The following WNT4 variants were observed in gnomAD, a reference collection of about 807,000 sequenced individuals.
WNT4 encodes Wnt family member 4, also known as protein Wnt-4.
WNT4 carries 16 observed loss-of-function variants against 34.5 expected under a neutral mutation model. The observed-to-expected ratio is 0.46, with a 90% confidence interval of 0.31 to 0.70. The LOEUF (loss-of-function observed/expected upper bound fraction) is 0.70. WNT4 is among the 30% of genes least tolerant of loss of function. WNT4 has a pLI of 0.04. For synonymous variants in WNT4, 200 were observed against 211.9 expected (o/e 0.94, Z 0.49); for missense variants, 379 against 495.9 (o/e 0.76, Z 2.24).
chr1:22,120,358 C>T lies in WNT4; in HGVS notation c.748G>A (p.Gly250Ser). 2 of 1,614,220 alleles carry T rather than the reference C, an allele frequency of 1.2e-6. No individual in the cohort carries two copies. The highest frequency in any genetic ancestry group is 1.7e-6 in the Non-Finnish European group (2 of 1,180,048). ...GATEVEPRRV[G>S]SSRALVPRNA... ...CGTGGCACCAGTGCCCTGGAGGAGC[C>T]CACGCGGCGTGGCTCCACCTCAGTG... The change falls in exon 5 of 5, where the codon GGC becomes AGC. Residue 250 changes from glycine to serine, a missense_variant. Gly to Ser is a moderately conservative substitution (Grantham distance 56, BLOSUM62 0). Around this residue, in one of 2 missense-constraint regions of WNT4, gnomAD observed 313 missense variants for 445.8 expected, o/e 0.70. Coordinates refer to ENST00000290167, the MANE Select transcript of WNT4 (RefSeq NM_030761.5).
rs1025771933 is a variant in WNT4, at chr1:22,142,340, C to G, written c.77+506G>C. On this transcript the variant is annotated intron_variant, in intron 1 of 4. Transcript: ENST00000290167. This position sits in a 1 kb window ranked among gnomAD's most constrained non-coding sequence, Gnocchi z 6.0. ...TCCTTCTGTCTCCGGCTCCCGCCCC[C>G]CAAGCAGAAACAGGTCCCTGCACGC... 9.2e-5 allele frequency among the ~76,000 whole-genome samples: 14 copies of G among 152,100 alleles called. No individual in the cohort carries two copies. The highest frequency in any genetic ancestry group is 1.9e-4 in the East Asian group (1 of 5,132).
chr1:22,134,135 G>A lies in WNT4; in HGVS notation c.78-4284C>T, dbSNP rs569383327. The stretch of plus-strand genomic sequence containing the variant: ...CCCTGCGGGTGTCCAGGTGGGGGCT[G>A]GGACGCCAGCGCAGGCCTCTCTGCC... On this transcript the variant is annotated intron_variant, in intron 1 of 4. Coordinates refer to ENST00000290167, the MANE Select transcript of WNT4 (RefSeq NM_030761.5). This position sits in a 1 kb window ranked among gnomAD's most constrained non-coding sequence, Gnocchi z 4.1. 6.6e-6 allele frequency among the ~76,000 whole-genome samples: 1 copy of A among 152,340 alleles called. No individual in the cohort carries two copies. Among genetic ancestry groups the A allele is most frequent in the African/African-American group, 2.4e-5 (1 of 41,594 alleles).
Position 22,142,186 on chromosome 1 carries a change from C to A in WNT4, c.77+660G>T, listed in dbSNP as rs970449210. 6.6e-6 allele frequency among the ~76,000 whole-genome samples: 1 copy of A among 152,166 alleles called. No homozygotes were observed. The highest frequency in any genetic ancestry group is 1.5e-5 in the Non-Finnish European group (1 of 68,030). On this transcript the variant is annotated intron_variant, in intron 1 of 4. Transcript: ENST00000290167. The surrounding 1 kb of genome is among the most constrained non-coding windows in gnomAD (Gnocchi z 6.0). Reference sequence around the variant, plus strand: ...CACCCCTTCCTCCTTAGGCTAGACACGGGGAGCTGGGGGGCCGTTGTCTTC... The same window carrying A: ...CACCCCTTCCTCCTTAGGCTAGACAAGGGGAGCTGGGGGGCCGTTGTCTTC...
Position 22,142,149 on chromosome 1 carries a change from A to G in WNT4, c.77+697T>C, listed in dbSNP as rs1646073174. On this transcript the variant is annotated intron_variant, in intron 1 of 4. Transcript: ENST00000290167. The surrounding 1 kb of genome is among the most constrained non-coding windows in gnomAD (Gnocchi z 6.0). ...CCAGTCAAGGAGAAACAGACAGGTC[A>G]CCAGCGGTTACCACCCCTTCCTCCT... 1.3e-5 allele frequency among the ~76,000 whole-genome samples: 2 copies of G among 152,162 alleles called. No homozygotes were observed. The highest frequency in any genetic ancestry group is 2.9e-5 in the Non-Finnish European group (2 of 68,030).
At chr1:22,122,040 G>C (rs947921549) in intron 2 of WNT4, among the ~76,000 whole-genome samples, 1 of 152,188 alleles carries the variant, frequency 6.6e-6, no homozygotes, top group Non-Finnish European at 1.5e-5. Flanking sequence ...CAGGTAGAAA[G>C]AAGGCCTGGA....
At position 22,142,109 on chromosome 1, in the gene WNT4, G is replaced by A. The variant is rs1264043395; in HGVS notation, c.77+737C>T. Among the ~76,000 whole-genome samples the A allele has an allele frequency of 1.3e-5, 2 of 152,170 alleles. No homozygotes were observed. The highest frequency in any genetic ancestry group is 6.5e-5 in the Admixed American group (1 of 15,286). ...AACCTTCCGCCCCTACCCAGGGAGC[G>A]CCCTGAGCGCAGATCCAGTCAAGGA... On this transcript the variant is annotated intron_variant, in intron 1 of 4. Transcript: ENST00000290167. This position sits in a 1 kb window ranked among gnomAD's most constrained non-coding sequence, Gnocchi z 6.0.
Position 22,129,579 on chromosome 1 carries a change from G to A in WNT4, c.313+37C>T, listed in dbSNP as rs758158091. ...CCTGCTGGGCCCATGCCCTGGCACCGCAGGCTCCCCTGCAGCCCCGCACGC... is the reference window on the plus strand; with the variant it reads ...CCTGCTGGGCCCATGCCCTGGCACCACAGGCTCCCCTGCAGCCCCGCACGC... On this transcript the variant is annotated intron_variant, in intron 2 of 4. Coordinates refer to ENST00000290167, the MANE Select transcript of WNT4 (RefSeq NM_030761.5). 36 of 1,594,352 alleles carry A rather than the reference G, an allele frequency of 2.3e-5. No homozygotes were observed. The East Asian group carries it at 4.6e-4, about 20-fold the overall frequency.
chr1:22,128,680 G>A (rs942842778), intron 2 of WNT4, among the ~76,000 whole-genome samples: 2 of 152,092 alleles, frequency 1.3e-5, no homozygotes, highest in East Asian at 1.9e-4. Context: ...GGAGCGGGAC[G>A]GCCTGGGGTT....
chr1:22,136,802 G>A (rs976817699), intron 1 of WNT4, among the ~76,000 whole-genome samples: 1 of 152,160 alleles, frequency 6.6e-6, no homozygotes, highest in Non-Finnish European at 1.5e-5. Context: ...TGGCAGGAAG[G>A]TTCCCCAGGG....
rs1416423159 is a variant in WNT4 at position 22,137,096 on chromosome 1, G to A, written c.77+5750C>T. Among the ~76,000 whole-genome samples the A allele has an allele frequency of 6.6e-6, 1 of 152,158 alleles. No individual in the cohort carries two copies. Among genetic ancestry groups the A allele is most frequent in the Non-Finnish European group, 1.5e-5 (1 of 68,026 alleles). ...CAAAGATACATGTGAGCTGTCCGAG[G>A]CTCCTCTCCCCTGGAGGACGCATCC... On this transcript the variant is annotated intron_variant, in intron 1 of 4. Coordinates refer to ENST00000290167, the MANE Select transcript of WNT4 (RefSeq NM_030761.5). The surrounding 1 kb of genome is among the most constrained non-coding windows in gnomAD (Gnocchi z 5.3).
chr1:22,141,482 A>AG (rs1570121906), intron 1 of WNT4, among the ~76,000 whole-genome samples: 1 of 152,102 alleles, frequency 6.6e-6, no homozygotes, highest in Non-Finnish European at 1.5e-5. Flanking sequence ...GGTGGCCTGC[A>AG]GGGGGGCAGT....
At position 22,134,064 on chromosome 1, in the gene WNT4, G is replaced by T. The variant is rs1469402030; in HGVS notation, c.78-4213C>A. Among the ~76,000 whole-genome samples, 1 of 152,248 alleles carries T rather than the reference G, an allele frequency of 6.6e-6. No individual in the cohort carries two copies. Among genetic ancestry groups the T allele is most frequent in the Non-Finnish European group, 1.5e-5 (1 of 68,046 alleles). Reference sequence around the variant, plus strand: ...TCAAGAGGAGAGGGGACGGGAAATAGCTGGAGCGTTTGGGAGGCCAAGCAG... The same window carrying T: ...TCAAGAGGAGAGGGGACGGGAAATATCTGGAGCGTTTGGGAGGCCAAGCAG... On this transcript the variant is annotated intron_variant, in intron 1 of 4. Coordinates refer to ENST00000290167, the MANE Select transcript of WNT4 (RefSeq NM_030761.5). The surrounding 1 kb of genome is among the most constrained non-coding windows in gnomAD (Gnocchi z 4.1).
At chr1:22,131,328 G>C (rs190877032) in intron 1 of WNT4, among the ~76,000 whole-genome samples, 28 of 152,354 alleles carry the variant, frequency 1.8e-4, no homozygotes. Context: ...GCATCGAAAC[G>C]TGTGCAGGGT....
chr1:22,136,888 G>A (rs1646026704), intron 1 of WNT4, among the ~76,000 whole-genome samples: 3 of 152,154 alleles, frequency 2.0e-5, no homozygotes, highest in Admixed American at 6.5e-5. Flanking sequence ...CTGGGCACCC[G>A]ACTCAGGAGG....
Position 22,120,491 on chromosome 1 carries a change from T to C in WNT4, c.615A>G (p.Glu205=), listed in dbSNP as rs767380304. 6.2e-6 allele frequency: 10 copies of C among 1,613,192 alleles called. No homozygotes were observed. The South Asian group carries it at 9.9e-5, about 16-fold the overall frequency. ...RKAILTHMRV[E]CKCHGVSGSC... ...AGCCTGACACCCCGTGGCACTTGCATTCCACCCGCATGTGTGTCAGGATGG... is the reference window on the plus strand; with the variant it reads ...AGCCTGACACCCCGTGGCACTTGCACTCCACCCGCATGTGTGTCAGGATGG... The change falls in exon 5 of 5, where the codon GAA becomes GAG. Residue 205 remains glutamate (E), a synonymous_variant. Coordinates refer to ENST00000290167, the MANE Select transcript of WNT4 (RefSeq NM_030761.5).
In WNT4 at chr1:22,121,557, G is replaced by C. The variant is rs753084464; in HGVS notation, c.333C>G (p.Phe111Leu). The C allele has an allele frequency of 2.3e-5, 37 of 1,613,530 alleles. No individual in the cohort carries two copies. Among genetic ancestry groups the C allele is most frequent in the Non-Finnish European group, 3.1e-5 (36 of 1,180,032 alleles). Reference protein sequence around the residue: ...VVTQGTREAAFVYAISSAGVA... With the variant: ...VVTQGTREAALVYAISSAGVA... ...CACCTGCCGAAGAGATGGCGTACAC[G>C]AAGGCCGCCTCCCGAGTCCCTGTGG... The change falls in exon 3 of 5, where the codon TTC becomes TTG. Residue 111 changes from phenylalanine (F) to leucine (L), a missense_variant. Physicochemically the swap from Phe to Leu is conservative, Grantham distance 22 (BLOSUM62 0). Transcript: ENST00000290167.
Position 22,120,377 on chromosome 1 carries a change from C to T in WNT4, c.729G>A (p.Glu243=). The T allele has an allele frequency of 1.9e-6, 3 of 1,614,214 alleles. No homozygotes were observed. The highest frequency in any genetic ancestry group is 3.3e-4 in the Middle Eastern group (2 of 6,062). ...AGGAGCCCACGCGGCGTGGCTCCAC[C>T]TCAGTGGCACCATCAAACTTCTCCT... ...ALKEKFDGAT[E]VEPRRVGSSR... Residue 243 remains glutamate (E), a synonymous_variant, in exon 5 of 5, where the codon GAG becomes GAA. Transcript: ENST00000290167.
chr1:22,133,811 G>A (rs1646001102), intron 1 of WNT4, among the ~76,000 whole-genome samples: 2 of 152,238 alleles, frequency 1.3e-5, no homozygotes, highest in South Asian at 4.1e-4. Context: ...GCTCCTCCCA[G>A]GAGGCCCTCC....
intron 1 of WNT4, among the ~76,000 whole-genome samples, chr1:22,135,519 C>T (rs1646015247): frequency 6.6e-6 from 1 of 152,084 alleles, no homozygotes; most frequent in Non-Finnish European, 1.5e-5. Flanking sequence ...TTTCTAGAGC[C>T]CCATGTCTTT....
Sources: allele counts gnomAD v4.1 joint callset (sites outside exome capture counted in the v4.1 genomes callset), GRCh38; gene constraint gnomAD v4.1.1; regional missense constraint gnomAD v4.1.1; non-coding constraint Gnocchi (gnomAD v3.1); transcripts MANE v1.5; gene names NCBI Gene and HGNC (gene_info 2026-07-23, HGNC 2026-07-21).